Variants in PLA2G4F observed in about 807,000 individuals in gnomAD.
The protein encoded by PLA2G4F is cytosolic phospholipase A2 zeta.
Under a neutral mutation model 103.1 loss-of-function variants are expected in PLA2G4F, and 105 were observed. The ratio of observed to expected loss-of-function variants is 1.02; its 90% confidence interval spans 0.87 to 1.20. The LOEUF is 1.20. Among genes scored for constraint, PLA2G4F ranks in the 50% most tolerant of loss-of-function variants. PLA2G4F has a pLI of 0.00. For missense variants in PLA2G4F, 1,155 were observed against 1,075.9 expected (o/e 1.07, Z -1.03); for synonymous variants, 468 against 441.1 (o/e 1.06, Z -0.76).
At position 42,139,311 on chromosome 15, in the gene PLA2G4F, A is replaced by T. The variant is rs985852209; in HGVS notation, c.*2673T>A. On this transcript the variant is annotated 3_prime_UTR_variant, in exon 20 of 20. Transcript: ENST00000397272. ...TCCTTGCCCTCTGCCTCAGGGTTAT[A>T]GAACAGCTGTCTTTAGCTATTCTCC... is the stretch of plus-strand genomic sequence containing the variant. 6.5e-6 allele frequency: 1 copy of T among 153,930 alleles called. No individual in the cohort carries two copies. Among genetic ancestry groups the T allele is most frequent in the African/African-American group, 2.4e-5 (1 of 41,502 alleles). 9.5% of individuals were successfully genotyped at this position (153,930 alleles called of 1,614,324 possible). A position where few individuals can be genotyped will look rare whatever the true frequency, so the allele number is the denominator to read the frequency against.
chr15:42,150,364 G>A lies in PLA2G4F; in HGVS notation c.885+9C>T. On this transcript the variant is annotated intron_variant, in intron 9 of 19. Coordinates refer to ENST00000397272, the MANE Select transcript of PLA2G4F (RefSeq NM_213600.4). ...CAGGGGTCCCTCTGGCACCCAGACA[G>A]AGCCTTACCTCCCCCAGGGCCACAG... 1 of 1,601,358 alleles carries A rather than the reference G, an allele frequency of 6.2e-7. No individual in the cohort carries two copies. The highest frequency in any genetic ancestry group is 8.5e-7 in the Non-Finnish European group (1 of 1,174,124).
chr15:42,153,762 A>ACT lies in PLA2G4F; in HGVS notation c.451-103_451-102insAG. ...GCTTGGCTCCAGGGGCTAGAAGGGG[A>ACT]GACTGGCATTGTGGCTTGTCATGGA... On this transcript the variant is annotated intron_variant, in intron 4 of 19. Transcript: ENST00000397272. 3.1e-6 allele frequency: 4 copies of ACT among 1,309,130 alleles called. No individual in the cohort carries two copies. In the East Asian group the frequency reaches 6.9e-5, roughly 23 times the overall value. The allele number at this position is 1,309,130 out of a possible 1,614,324, so 81.1% of individuals were successfully genotyped here. A position where few individuals can be genotyped will look rare whatever the true frequency, so the allele number is the denominator to read the frequency against.
chr15:42,142,170 A>G lies in PLA2G4F; in HGVS notation c.2364T>C (p.Phe788=), dbSNP rs2048832319. The G allele has an allele frequency of 1.9e-6, 3 of 1,613,866 alleles. No individual in the cohort carries two copies. The highest frequency in any genetic ancestry group is 1.7e-5 in the Admixed American group (1 of 59,992). ...CTGGCCTGTTGATGACAAAGTCCCCAAAGGCCTTCTCCTCAGCTGTTTGTC... is the reference window on the plus strand; with the variant it reads ...CTGGCCTGTTGATGACAAAGTCCCCGAAGGCCTTCTCCTCAGCTGTTTGTC... ...VERQTAEEKA[F]GDFVINRPDT... is the part of the protein sequence containing the mutation. Residue 788 remains phenylalanine (F), a synonymous_variant, in exon 20 of 20, where the codon TTT becomes TTC. Coordinates refer to ENST00000397272, the MANE Select transcript of PLA2G4F (RefSeq NM_213600.4).
chr15:42,145,441 C>T (rs1213877454), intron 16 of PLA2G4F, 134 bp downstream of exon 16: 2 of 883,716 alleles, frequency 2.3e-6, no homozygotes, highest in Non-Finnish European at 3.6e-6. Flanking sequence ...AGCTAGAAGT[C>T]ATTTCCTCAG....
rs1388126155 is a variant in PLA2G4F, at chr15:42,153,751, G to A, written c.451-91C>T. 6.4e-6 allele frequency: 9 copies of A among 1,397,146 alleles called. No homozygotes were observed. In the African/African-American group the frequency reaches 8.6e-5, roughly 13 times the overall value. The allele number at this position is 1,397,146 out of a possible 1,614,324, so 86.5% of individuals were successfully genotyped here. On this transcript the variant is annotated intron_variant, in intron 4 of 19. Coordinates refer to ENST00000397272, the MANE Select transcript of PLA2G4F (RefSeq NM_213600.4). ...CTGCCAGCCCTGCTTGGCTCCAGGG[G>A]CTAGAAGGGGAGACTGGCATTGTGG... is the stretch of plus-strand genomic sequence containing the variant.
chr15:42,149,970 A>G (rs1053124689), intron 10 of PLA2G4F, 122 bp from the exon 11 acceptor site: 36 of 1,527,610 alleles, frequency 2.4e-5, no homozygotes, highest in Non-Finnish European at 3.2e-5. Context: ...CACCAGCACC[A>G]GAACCAGGGA....
chr15:42,151,561 C>G (rs2048963082), intron 7 of PLA2G4F: 2 of 985,268 alleles, frequency 2.0e-6, no homozygotes, highest in Admixed American at 6.1e-5. Flanking sequence ...TATGCGAGGA[C>G]AGCAGACACT....
rs1321579705 is a variant in PLA2G4F at position 42,141,910 on chromosome 15, G to C, written c.*74C>G. On this transcript the variant is annotated 3_prime_UTR_variant, in exon 20 of 20. Transcript: ENST00000397272. ...GCAGATCCTGCACAGAGTCCCCATCGCTCCTCCCTCTACAAGCCCTGACCA... is the reference window on the plus strand; with the variant it reads ...GCAGATCCTGCACAGAGTCCCCATCCCTCCTCCCTCTACAAGCCCTGACCA... 2.1e-6 allele frequency: 3 copies of C among 1,427,838 alleles called. No individual in the cohort carries two copies. The highest frequency in any genetic ancestry group is 9.7e-7 in the Non-Finnish European group (1 of 1,034,044). The allele number at this position is 1,427,838 out of a possible 1,614,324, so 88.4% of individuals were successfully genotyped here. A position where few individuals can be genotyped will look rare whatever the true frequency, so the allele number is the denominator to read the frequency against.
rs758513767 is a variant in PLA2G4F, at chr15:42,150,459, G to A, written c.799C>T (p.Gln267Ter). ...CCCCCCTCGCCCAGCTTGCTGGTCT[G>A]AGCCTCCAACTCTGCGCTGGGGCCA... is the stretch of plus-strand genomic sequence containing the variant. ...QSGPSAELEAQTSKLGEGGIL... is the reference protein window; with the variant it reads ...QSGPSAELEA The change falls in exon 9 of 20, where the codon CAG becomes TAG. Residue 267 changes from glutamine (Q) to a stop codon, truncating the protein, a stop_gained. Coordinates refer to ENST00000397272, the MANE Select transcript of PLA2G4F (RefSeq NM_213600.4). LOFTEE classifies it high-confidence loss of function. 1.9e-6 allele frequency: 3 copies of A among 1,613,360 alleles called. No homozygotes were observed. The highest frequency in any genetic ancestry group is 3.3e-5 in the Admixed American group (2 of 59,950).
At chr15:42,153,115 C>T (rs2048976290) in intron 6 of PLA2G4F, among the ~76,000 whole-genome samples, 185 bp downstream of exon 6, 2 of 152,174 alleles carry the variant, frequency 1.3e-5, no homozygotes, top group African/African-American at 2.4e-5. Flanking sequence ...GGCTGAGGTC[C>T]TGGGCTGTCC....
Position 42,150,379 on chromosome 15 carries a change from C to T in PLA2G4F, c.879G>A (p.Leu293=), listed in dbSNP as rs1331874275. The stretch of plus-strand genomic sequence containing the variant: ...CACCCAGACAGAGCCTTACCTCCCC[C>T]AGGGCCACAGAACACTGTTCCTCCT... ...LGQEEQCSVA[L]GEGQEVALSM... The change falls in exon 9 of 20, where the codon CTG becomes CTA. Residue 293 remains leucine (L), a synonymous_variant. Transcript: ENST00000397272. 6.2e-7 allele frequency: 1 copy of T among 1,608,616 alleles called. No homozygotes were observed. The highest frequency in any genetic ancestry group is 1.1e-5 in the South Asian group (1 of 89,926).
intron 6 of PLA2G4F, 138 bp from the exon 7 acceptor site, chr15:42,152,892 G>A: frequency 2.5e-6 from 2 of 812,830 alleles, no homozygotes; most frequent in South Asian, 3.6e-5. Flanking sequence ...AGTTCCTGGG[G>A]CAGGGTCTAG....
At chr15:42,144,715 C>T in intron 16 of PLA2G4F, 71 bp from the exon 17 acceptor site, 1 of 1,412,414 alleles carries the variant, frequency 7.1e-7, no homozygotes, top group Non-Finnish European at 9.4e-7. Context: ...CCTTATAGTT[C>T]AGGGGTGCCC....
intron 18 of PLA2G4F, 77 bp downstream of exon 18, chr15:42,143,901 C>A (rs1039083756): frequency 6.7e-7 from 1 of 1,485,884 alleles, no homozygotes; most frequent in Non-Finnish European, 9.1e-7. Flanking sequence ...CCAGAGCCTT[C>A]TTTCCCCTCC....
At chr15:42,148,018 A>T (rs1415797849) in intron 11 of PLA2G4F, among the ~76,000 whole-genome samples, 1 of 152,062 alleles carries the variant, frequency 6.6e-6, no homozygotes, top group East Asian at 1.9e-4. Context: ...CTCTACTAAA[A>T]CTACAAAAAA....
At chr15:42,155,922 C>CTAA (rs1333655660) in intron 1 of PLA2G4F, among the ~76,000 whole-genome samples, 1 of 152,150 alleles carries the variant, frequency 6.6e-6, no homozygotes, top group African/African-American at 2.4e-5. Flanking sequence ...GAGAGCTGTG[C>CTAA]TAATGTTGTG....
Position 42,145,833 on chromosome 15 carries a change from G to T in PLA2G4F, c.1605C>A (p.Phe535Leu). Residue 535 changes from phenylalanine (F) to leucine (L), a missense_variant, in exon 15 of 20, where the codon TTC becomes TTA. Around this residue, in one of 3 missense-constraint regions of PLA2G4F, gnomAD observed 782 missense variants for 692.9 expected, o/e 1.13. Coordinates refer to ENST00000397272, the MANE Select transcript of PLA2G4F (RefSeq NM_213600.4). ...KYGAYVPTEL[F>L]GSELFMGRLL... ...ATCGTCCCATGAAGAGTTCTGAGCC[G>T]AAGAGCTCGGTGGGAACATAAGCCC... 1 of 1,614,138 alleles carries T rather than the reference G, an allele frequency of 6.2e-7. No homozygotes were observed. Among genetic ancestry groups the T allele is most frequent in the Non-Finnish European group, 8.5e-7 (1 of 1,180,038 alleles).
At chr15:42,148,890 G>A (rs1246011699) in intron 11 of PLA2G4F, 1 of 985,324 alleles carries the variant, frequency 1.0e-6, no homozygotes, top group Non-Finnish European at 1.2e-6. Context: ...AGTGCTGGAT[G>A]AGACAGAGCA....
intron 7 of PLA2G4F, 44 bp downstream of exon 7, chr15:42,152,644 C>A: frequency 6.5e-7 from 1 of 1,548,134 alleles, no homozygotes; most frequent in South Asian, 1.2e-5. Context: ...AGTTCCAACC[C>A]CGGGAGAGAA....
Sources: allele counts gnomAD v4.1 joint callset (sites outside exome capture counted in the v4.1 genomes callset), GRCh38; gene constraint gnomAD v4.1.1; regional missense constraint gnomAD v4.1.1; transcripts MANE v1.5; gene names NCBI Gene and HGNC (gene_info 2026-07-23, HGNC 2026-07-21).